AP3B1: variants seen among roughly 807,000 people sequenced by gnomAD.
AP3B1 encodes adaptor related protein complex 3 subunit beta 1, also known as AP-3 complex subunit beta-1.
A neutral mutation model predicts 132.5 loss-of-function variants in AP3B1; 61 were observed. The observed-to-expected ratio is 0.46, with a 90% CI of 0.37 to 0.57. The LOEUF (loss-of-function observed/expected upper bound fraction) is 0.57. AP3B1 is among the 20% of genes least tolerant of loss of function. The pLI, the probability that AP3B1 is intolerant of heterozygous loss-of-function variation, is 0.00. For missense variants in AP3B1, 1,120 were observed against 1,289.4 expected, an observed-to-expected ratio of 0.87 and a Z score of 2.01; for synonymous variants, 388 against 438.3, an observed-to-expected ratio of 0.89 and a Z score of 1.43.
chr5:78,246,065 C>T (rs925119593), intron 2 of AP3B1, among the ~76,000 whole-genome samples: 3 of 152,202 alleles, frequency 2.0e-5, no homozygotes, highest in African/African-American at 4.8e-5. Context: ...ATGCCCTCTG[C>T]TAAGCTCTTA....
At chr5:78,014,406 C>T (rs1291313038) in intron 26 of AP3B1, among the ~76,000 whole-genome samples, 2 of 152,018 alleles carry the variant, frequency 1.3e-5, no homozygotes, top group Non-Finnish European at 2.9e-5. Context: ...TTCTTCCTGC[C>T]ACCCATTTCC....
intron 21 of AP3B1, among the ~76,000 whole-genome samples, chr5:78,094,640 C>G (rs1750694770): frequency 6.6e-6 from 1 of 151,998 alleles, no homozygotes; most frequent in South Asian, 2.1e-4. Flanking sequence ...CTAGTATACC[C>G]TCCCCTCATG....
At chr5:78,235,090 G>C (rs1028808957) in intron 3 of AP3B1, among the ~76,000 whole-genome samples, 3 of 151,998 alleles carry the variant, frequency 2.0e-5, no homozygotes, top group African/African-American at 7.2e-5. Context: ...CAAACTCCTG[G>C]GCTCAAGAGA....
intron 3 of AP3B1, among the ~76,000 whole-genome samples, chr5:78,239,638 G>A (rs1331368744): frequency 6.6e-6 from 1 of 151,530 alleles, no homozygotes; most frequent in Non-Finnish European, 1.5e-5. Flanking sequence ...AACTAGCCAA[G>A]CATGGTTGTA....
At chr5:78,209,622 G>A (rs1745652648) in intron 7 of AP3B1, among the ~76,000 whole-genome samples, 1 of 152,166 alleles carries the variant, frequency 6.6e-6, no homozygotes, top group East Asian at 1.9e-4. Flanking sequence ...ATGGGCACAT[G>A]TCATCAGGAC....
At chr5:78,175,890 T>C (rs1018458543) in intron 9 of AP3B1, 52 bp from the exon 10 acceptor site, 2 of 1,304,432 alleles carry the variant, frequency 1.5e-6, no homozygotes, top group Admixed American at 3.4e-5. Context: ...TGAAACATCT[T>C]TGAGTAAGCA....
chr5:78,239,421 C>T (rs934003735), intron 3 of AP3B1, among the ~76,000 whole-genome samples: 5 of 145,670 alleles, frequency 3.4e-5, no homozygotes, highest in South Asian at 4.3e-4. Context: ...CAGTAAGCCA[C>T]GATCATGCCA....
At chr5:78,150,724 G>A (rs1032946124) in intron 14 of AP3B1, among the ~76,000 whole-genome samples, 1 of 151,922 alleles carries the variant, frequency 6.6e-6, no homozygotes, top group Admixed American at 6.6e-5. Flanking sequence ...ACATAAGGAC[G>A]GAGCTGGTAA....
intron 24 of AP3B1, among the ~76,000 whole-genome samples, chr5:78,028,733 G>C (rs1288072121): frequency 6.6e-6 from 1 of 152,134 alleles, no homozygotes; most frequent in Non-Finnish European, 1.5e-5. Context: ...GGTGATGTTA[G>C]ACTTACAGAA....
intron 1 of AP3B1, among the ~76,000 whole-genome samples, chr5:78,286,756 A>G (rs1178052399): frequency 2.6e-5 from 4 of 152,188 alleles, no homozygotes; most frequent in African/African-American, 7.2e-5. Flanking sequence ...GGTTCCTATC[A>G]GCAATATAAA....
chr5:78,008,087 A>G (rs1746472589), intron 26 of AP3B1, among the ~76,000 whole-genome samples: 1 of 152,158 alleles, frequency 6.6e-6, no homozygotes, highest in African/African-American at 2.4e-5. Context: ...CTTTCTTTAT[A>G]TAGGAAAGCT....
chr5:78,171,466 G>C (rs1033850251), intron 11 of AP3B1, among the ~76,000 whole-genome samples: 1 of 152,054 alleles, frequency 6.6e-6, no homozygotes, highest in African/African-American at 2.4e-5. Context: ...TTGTAAGTTG[G>C]ATTCCTAGGT....
At chr5:78,193,881 A>G (rs1361721235) in intron 7 of AP3B1, among the ~76,000 whole-genome samples, 1 of 150,412 alleles carries the variant, frequency 6.6e-6, no homozygotes, top group African/African-American at 2.4e-5. Flanking sequence ...CAGCCTCCCG[A>G]GTAGCTGGGA....
intron 26 of AP3B1, among the ~76,000 whole-genome samples, chr5:78,014,437 G>A (rs1746770294): frequency 6.6e-6 from 1 of 152,028 alleles, no homozygotes; most frequent in East Asian, 1.9e-4. Context: ...GGAATGTAAA[G>A]CACATAAGAA....
intron 22 of AP3B1, among the ~76,000 whole-genome samples, chr5:78,066,089 G>A (rs920728525): frequency 1.5e-4 from 23 of 152,118 alleles, no homozygotes; most frequent in South Asian, 4.1e-4. Context: ...AGAGGGGCCC[G>A]ACTGTTAAAA....
intron 21 of AP3B1, among the ~76,000 whole-genome samples, chr5:78,093,757 C>T (rs1343588299): frequency 6.6e-6 from 1 of 152,216 alleles, no homozygotes; most frequent in African/African-American, 2.4e-5. Flanking sequence ...GTGTTAGGCA[C>T]AGTTCTAAAT....
chr5:78,040,814 CTGA>C (rs1429635676), intron 22 of AP3B1, among the ~76,000 whole-genome samples: 1 of 152,118 alleles, frequency 6.6e-6, no homozygotes, highest in African/African-American at 2.4e-5. Flanking sequence ...CCGTGTACAC[CTGA>C]TGACATTACA....
At position 78,234,673 on chromosome 5, in the gene AP3B1, T is replaced by G. The variant is rs151029662; in HGVS notation, c.279+6189A>C. The stretch of plus-strand genomic sequence containing the variant: ...GCCTGGAAGTGAACTTGAGGCTATT[T>G]AGTACAACAACCATTTCTTATTCAT... On this transcript the variant is annotated intron_variant, in intron 3 of 26. Coordinates refer to ENST00000255194, the MANE Select transcript of AP3B1 (RefSeq NM_003664.5). Among the ~76,000 whole-genome samples, 130 of 152,346 alleles carry G rather than the reference T, an allele frequency of 8.5e-4. No homozygotes were observed. The East Asian group carries it at 0.018, about 21-fold the overall frequency.
At position 78,225,587 on chromosome 5, in the gene AP3B1, T is replaced by C; in HGVS notation, c.558A>G (p.Glu186=). ...GTTTTTCAATTACTTCAATTAACAT[T>C]TCCTTCTGCTCTGGATCAAGGCTAA... ...KLYSLDPEQK[E]MLIEVIEKLL... Residue 186 remains glutamate, a synonymous_variant, in exon 6 of 27, where the codon GAA becomes GAG. Transcript: ENST00000255194. 6.3e-7 allele frequency: 1 copy of C among 1,583,104 alleles called. No individual in the cohort carries two copies. The highest frequency in any genetic ancestry group is 8.7e-7 in the Non-Finnish European group (1 of 1,154,172).
Sources: allele counts gnomAD v4.1 joint callset (sites outside exome capture counted in the v4.1 genomes callset), GRCh38; gene constraint gnomAD v4.1.1; transcripts MANE v1.5; gene names NCBI Gene and HGNC (gene_info 2026-07-23, HGNC 2026-07-21).